The following BMERB1 variants were observed in gnomAD, a reference collection of about 807,000 sequenced individuals.
The protein encoded by BMERB1 is bMERB domain containing 1.
Under a neutral mutation model 23.6 loss-of-function variants are expected in BMERB1, and 12 were observed. The ratio of observed to expected loss-of-function variants is 0.51; its 90% confidence interval spans 0.33 to 0.82. The LOEUF (loss-of-function observed/expected upper bound fraction) is 0.82, where lower values mean the gene tolerates loss of function less well. BMERB1 is among the 40% of genes least tolerant of loss of function. BMERB1 has a pLI of 0.03. For missense variants in BMERB1, 247 were observed against 255.4 expected (o/e 0.97, Z 0.22); for synonymous variants, 122 against 96.6 (o/e 1.26, Z -1.54).
At chr16:15,546,240 A>T (rs2029906047) in intron 2 of BMERB1, among the ~76,000 whole-genome samples, 1 of 152,176 alleles carries the variant, frequency 6.6e-6, no homozygotes, top group Non-Finnish European at 1.5e-5. Context: ...GTGAGCCATG[A>T]TCAAGCAACT....
At position 15,581,249 on chromosome 16, in the gene BMERB1, G is replaced by C. The variant is rs1348222973; in HGVS notation, c.337G>C (p.Glu113Gln). 6.2e-7 allele frequency: 1 copy of C among 1,613,798 alleles called. No individual in the cohort carries two copies. The highest frequency in any genetic ancestry group is 8.5e-7 in the Non-Finnish European group (1 of 1,179,956). The change falls in exon 4 of 6, where the codon GAG becomes CAG. Residue 113 changes from glutamate (E) to glutamine (Q), a missense_variant. Physicochemically the swap from Glu to Gln is conservative, Grantham distance 29 (BLOSUM62 2). Coordinates refer to ENST00000300006, the MANE Select transcript of BMERB1 (RefSeq NM_033201.3). The part of the protein sequence containing the change: ...KEKTKLQKQR[E>Q]DELIQKIHKL... Reference sequence around the variant, plus strand: ...AAAAACCAAACTGCAGAAGCAGAGAGAGGATGAGCTAATCCAGAAGATCCA... The same window carrying C: ...AAAAACCAAACTGCAGAAGCAGAGACAGGATGAGCTAATCCAGAAGATCCA...
intron 1 of BMERB1, among the ~76,000 whole-genome samples, chr16:15,476,137 T>A (rs919322892): frequency 9.9e-5 from 15 of 150,930 alleles, no homozygotes; most frequent in African/African-American, 2.9e-4. Flanking sequence ...TTACTGCATA[T>A]CCTACTTTGT....
At chr16:15,463,078 C>CTT (rs760698382) in intron 1 of BMERB1, among the ~76,000 whole-genome samples, 3 of 143,358 alleles carry the variant, frequency 2.1e-5, no homozygotes, top group Non-Finnish European at 1.5e-5. Context: ...GGATAAATTT[C>CTT]TTTTTTTTTT....
intron 2 of BMERB1, among the ~76,000 whole-genome samples, chr16:15,553,329 C>T (rs1019438284): frequency 6.6e-6 from 1 of 152,132 alleles, no homozygotes; most frequent in African/African-American, 2.4e-5. Context: ...TTTAAAATTA[C>T]CAAGGCGTGG....
chr16:15,573,312 A>G (rs573718665), intron 3 of BMERB1, among the ~76,000 whole-genome samples: 2 of 152,342 alleles, frequency 1.3e-5, no homozygotes, highest in East Asian at 3.9e-4. Context: ...CTGGGGAATT[A>G]CAATAGAGAA....
intron 1 of BMERB1, among the ~76,000 whole-genome samples, chr16:15,463,816 C>G (rs979183604): frequency 8.6e-5 from 13 of 151,622 alleles, no homozygotes; most frequent in Admixed American, 7.2e-4. Flanking sequence ...CTGGGACTTT[C>G]CAATGTTGGG....
intron 1 of BMERB1, among the ~76,000 whole-genome samples, chr16:15,508,007 C>T (rs910449086): frequency 7.2e-5 from 11 of 152,154 alleles, no homozygotes; most frequent in Admixed American, 2.6e-4. Context: ...ATGGTACTTA[C>T]GTAGGGAGGT....
intron 1 of BMERB1, among the ~76,000 whole-genome samples, chr16:15,453,711 A>T (rs546037998): frequency 6.7e-4 from 102 of 151,980 alleles, no homozygotes; most frequent in Non-Finnish European, 1.2e-3. Flanking sequence ...GTCTCTACTA[A>T]AAATACAAAA....
intron 1 of BMERB1, among the ~76,000 whole-genome samples, chr16:15,470,961 C>T (rs1356973225): frequency 7.3e-5 from 11 of 150,602 alleles, no homozygotes; most frequent in African/African-American, 2.4e-4. Flanking sequence ...CTCAGACTCC[C>T]GAGAAACTGG....
At chr16:15,541,430 T>C (rs1449171043) in intron 2 of BMERB1, among the ~76,000 whole-genome samples, 1 of 143,044 alleles carries the variant, frequency 7.0e-6, no homozygotes, top group African/African-American at 2.6e-5. Flanking sequence ...ATTGTTTTTT[T>C]TTTTTTTTTT....
chr16:15,501,637 G>C (rs1167774896), intron 1 of BMERB1, among the ~76,000 whole-genome samples: 2 of 152,160 alleles, frequency 1.3e-5, no homozygotes, highest in Non-Finnish European at 2.9e-5. Context: ...ACCACACCTG[G>C]CTAATTTTTG....
At chr16:15,477,379 G>T (rs1321136173) in intron 1 of BMERB1, among the ~76,000 whole-genome samples, 2 of 152,078 alleles carry the variant, frequency 1.3e-5, no homozygotes, top group Non-Finnish European at 2.9e-5. Flanking sequence ...TGACACGTGG[G>T]GATTATGGGA....
chr16:15,536,035 A>G (rs962706097), intron 2 of BMERB1, among the ~76,000 whole-genome samples: 2 of 152,060 alleles, frequency 1.3e-5, no homozygotes, highest in South Asian at 2.1e-4. Flanking sequence ...GGGGATTACA[A>G]TTTGCAGTGA....
Position 15,483,670 on chromosome 16 carries a change from G to A in BMERB1, c.107-31635G>A, listed in dbSNP as rs141094192. ...GCTAGGATTACAGGCATGAGCCACCGTGCCTGGCCAGAAAAATCTATGTTT... is the reference window on the plus strand; with the variant it reads ...GCTAGGATTACAGGCATGAGCCACCATGCCTGGCCAGAAAAATCTATGTTT... On this transcript the variant is annotated intron_variant, in intron 1 of 5. Coordinates refer to ENST00000300006, the MANE Select transcript of BMERB1 (RefSeq NM_033201.3). 5.7e-3 allele frequency among the ~76,000 whole-genome samples: 867 copies of A among 152,252 alleles called. 15 individuals carry two copies. The highest frequency in any genetic ancestry group is 0.019 in the African/African-American group (807 of 41,542).
chr16:15,547,674 C>A (rs1403577750), intron 2 of BMERB1, among the ~76,000 whole-genome samples: 1 of 152,050 alleles, frequency 6.6e-6, no homozygotes, highest in Non-Finnish European at 1.5e-5. Flanking sequence ...TTTAACTTAA[C>A]CACACAGTCC....
intron 1 of BMERB1, among the ~76,000 whole-genome samples, chr16:15,455,922 A>C (rs2051083787): frequency 1.3e-5 from 2 of 152,172 alleles, no homozygotes; most frequent in African/African-American, 4.8e-5. Context: ...ATGTTTGACT[A>C]TTCTTAATGA....
chr16:15,443,773 G>T (rs966317943), intron 1 of BMERB1, among the ~76,000 whole-genome samples: 1 of 151,956 alleles, frequency 6.6e-6, no homozygotes, highest in African/African-American at 2.4e-5. Context: ...CAAAAAATTA[G>T]CCAGATGTGG....
intron 1 of BMERB1, among the ~76,000 whole-genome samples, chr16:15,489,635 G>T: frequency 6.6e-6 from 1 of 152,078 alleles, no homozygotes; most frequent in Admixed American, 6.6e-5. Context: ...AGCAGACAGA[G>T]CCAAACTTTC....
intron 2 of BMERB1, among the ~76,000 whole-genome samples, chr16:15,557,277 C>T (rs1017601368): frequency 2.6e-5 from 4 of 152,150 alleles, no homozygotes; most frequent in Admixed American, 6.6e-5. Context: ...CTCTCTGGAA[C>T]GAGCCGGCAG....
Sources: allele counts gnomAD v4.1 joint callset (sites outside exome capture counted in the v4.1 genomes callset), GRCh38; gene constraint gnomAD v4.1.1; transcripts MANE v1.5; gene names NCBI Gene and HGNC (gene_info 2026-07-23, HGNC 2026-07-21).